The following DCAF6 variants were observed in gnomAD, a reference collection of about 807,000 sequenced individuals.
The protein encoded by DCAF6 is DDB1- and CUL4-associated factor 6.
Under a neutral mutation model 125.1 loss-of-function variants are expected in DCAF6, and 54 were observed. The ratio of observed to expected loss-of-function variants is 0.43; its 90% CI spans 0.35 to 0.54. DCAF6 has a LOEUF of 0.54. DCAF6 is among the 20% of genes least tolerant of loss of function. The pLI is 0.01. For synonymous variants in DCAF6, 371 were observed against 390.4 expected (o/e 0.95, Z 0.58); for missense variants, 934 against 1,161.7 (o/e 0.80, Z 2.85).
the DCAF6 span, among the ~76,000 whole-genome samples, chr1:167,888,069 T>A: frequency 5.9e-5 from 9 of 152,224 alleles, no homozygotes; most frequent in African/African-American, 2.2e-4. Flanking sequence ...GGCTCTTTTG[T>A]CAAAAATTAG....
chr1:167,959,531 A>G (rs1471989956), intron 2 of DCAF6, among the ~76,000 whole-genome samples: 1 of 152,218 alleles, frequency 6.6e-6, no homozygotes, highest in Admixed American at 6.5e-5. Flanking sequence ...AATGAATATA[A>G]GTTCCTGATG....
chr1:167,953,871 T>C (rs1674360489), intron 2 of DCAF6, among the ~76,000 whole-genome samples: 1 of 152,108 alleles, frequency 6.6e-6, no homozygotes, highest in Admixed American at 6.5e-5. Context: ...AGTGCTGGGA[T>C]TGCAGGTGTA....
intron 8 of DCAF6, among the ~76,000 whole-genome samples, chr1:168,003,465 T>G (rs531473207): frequency 1.1e-4 from 17 of 152,326 alleles, no homozygotes; most frequent in African/African-American, 4.1e-4. Context: ...CTATTTTGTG[T>G]CTGTACTTGA....
intron 15 of DCAF6, 40 bp from the exon 16 acceptor site, chr1:168,044,860 C>T (rs1688965215): frequency 1.3e-6 from 2 of 1,589,668 alleles, no homozygotes; most frequent in South Asian, 2.3e-5. Flanking sequence ...TAGTATTGCC[C>T]ACATTACCAC....
At chr1:168,013,173 C>A (rs1684526661) in intron 10 of DCAF6, among the ~76,000 whole-genome samples, 1 of 152,126 alleles carries the variant, frequency 6.6e-6, no homozygotes, top group Non-Finnish European at 1.5e-5. Flanking sequence ...GAAAAGAAAG[C>A]AGTATGCCAC....
rs1319342974 is a variant in DCAF6, at chr1:168,015,849, G to C, written c.1447G>C (p.Glu483Gln). ...GCAACAACTGAGGCTTAAGAAGGCT[G>C]AGCAGCAGAGGCAGCAAGAGCTAGC... ...RLQQLRLKKA[E>Q]QQRQQELAAH... Residue 483 changes from glutamate to glutamine, a missense_variant, in exon 11 of 22, where the codon GAG (glutamate) becomes CAG (glutamine). By Grantham distance (29) the Glu-to-Gln change is conservative (BLOSUM62 2). This residue lies in a region of DCAF6 where 559 missense variants were observed against 635.5 expected (regional missense o/e 0.88). Transcript: ENST00000367840. 6.5e-7 allele frequency: 1 copy of C among 1,540,488 alleles called. No homozygotes were observed. The highest frequency in any genetic ancestry group is 2.0e-5 in the Admixed American group (1 of 49,860).
intron 2 of DCAF6, among the ~76,000 whole-genome samples, chr1:167,964,833 G>T (rs905902411): frequency 1.3e-5 from 2 of 152,016 alleles, no homozygotes; most frequent in East Asian, 3.8e-4. Flanking sequence ...CTACTAATAC[G>T]CCCATCAGAG....
At chr1:168,003,236 A>G (rs1682886348) in intron 8 of DCAF6, among the ~76,000 whole-genome samples, 1 of 152,164 alleles carries the variant, frequency 6.6e-6, no homozygotes, top group Admixed American at 6.5e-5. Context: ...TTTAAATTAT[A>G]AGACTATAGA....
chr1:168,004,590 T>C lies in DCAF6; in HGVS notation c.1175T>C (p.Leu392Ser), dbSNP rs898722749. ...CCTACGGTCCCATCAAGTCCTGATT[T>C]GGAAGTGAGTGAAACTGCAATGGAA... ...TLPTVPSSPDLEVSETAMEVD... is the reference protein window; with the variant it reads ...TLPTVPSSPDSEVSETAMEVD... Residue 392 changes from leucine to serine, a missense_variant, in exon 10 of 22, where the codon TTG becomes TCG. By Grantham distance (145) the Leu-to-Ser change is moderately radical. This residue lies in a region of DCAF6 where 559 missense variants were observed against 635.5 expected (regional missense o/e 0.88). Transcript: ENST00000367840. 10 of 1,612,090 alleles carry C rather than the reference T, an allele frequency of 6.2e-6. No homozygotes were observed. Among genetic ancestry groups the C allele is most frequent in the Non-Finnish European group, 8.5e-6 (10 of 1,178,884 alleles).
At chr1:167,908,434 G>C in the DCAF6 span, among the ~76,000 whole-genome samples, 2 of 152,076 alleles carry the variant, frequency 1.3e-5, no homozygotes, top group Non-Finnish European at 2.9e-5. Flanking sequence ...GTGGCTGAAG[G>C]ATACAAAGTT....
At position 167,988,440 on chromosome 1, in the gene DCAF6, T is replaced by G. The variant is rs371352526; in HGVS notation, c.552+832T>G. On this transcript the variant is annotated intron_variant, in intron 5 of 21. Coordinates refer to ENST00000367840, the MANE Select transcript of DCAF6 (RefSeq NM_001198956.2). ...ACTTGGTGTCCCAAAGTGCTGAGAT[T>G]ACAGGGATGAGCCACTGTGTTTGAC... Among the ~76,000 whole-genome samples the G allele has an allele frequency of 1.7e-4, 26 of 152,282 alleles. No homozygotes were observed. In the East Asian group the frequency reaches 1.9e-3, roughly 11 times the overall value.
the DCAF6 span, chr1:167,914,251 A>G: frequency 6.6e-6 from 1 of 152,328 alleles, no homozygotes; most frequent in East Asian, 1.9e-4. Context: ...GTGGCCTACT[A>G]CTGTACAAGG....
chr1:168,032,751 T>C (rs1403423502), intron 12 of DCAF6, among the ~76,000 whole-genome samples: 1 of 152,148 alleles, frequency 6.6e-6, no homozygotes, highest in Non-Finnish European at 1.5e-5. Flanking sequence ...CTAACTACTA[T>C]AGTTAATTAA....
the DCAF6 span, among the ~76,000 whole-genome samples, chr1:167,910,454 G>A: frequency 6.6e-6 from 1 of 152,208 alleles, no homozygotes; most frequent in African/African-American, 2.4e-5. Context: ...AACTGTGAAA[G>A]TTGTGGGGTA....
At chr1:167,897,302 A>G in the DCAF6 span, among the ~76,000 whole-genome samples, 3 of 150,462 alleles carry the variant, frequency 2.0e-5, no homozygotes, top group African/African-American at 7.4e-5. Context: ...CCTGGGTAAC[A>G]ATGGTGAAAT....
chr1:167,902,699 A>T, the DCAF6 span, among the ~76,000 whole-genome samples: 1 of 152,210 alleles, frequency 6.6e-6, no homozygotes, highest in African/African-American at 2.4e-5. Flanking sequence ...TTACTAAGGA[A>T]CTCAGAGTCT....
chr1:167,890,954 T>G, the DCAF6 span, among the ~76,000 whole-genome samples: 2 of 152,048 alleles, frequency 1.3e-5, no homozygotes, highest in South Asian at 2.1e-4. Flanking sequence ...CATTTATTTA[T>G]TTATTTAGTT....
At chr1:167,870,256 C>T in the DCAF6 span, 7 of 1,613,924 alleles carry the variant, frequency 4.3e-6, no homozygotes, top group African/African-American at 2.7e-5. Flanking sequence ...AAGACACTCA[C>T]CTGTGATTCT....
the DCAF6 span, among the ~76,000 whole-genome samples, chr1:167,905,649 T>A: frequency 2.3e-3 from 347 of 151,646 alleles, 1 homozygote; most frequent in African/African-American, 8.2e-3. Flanking sequence ...TGTATTTATA[T>A]GTAAGTGAGT....
Sources: gnomAD v4.1 joint callset for allele counts (sites outside exome capture counted in the v4.1 genomes callset) on GRCh38, gnomAD v4.1.1 for gene constraint, gnomAD v4.1.1 regional missense constraint, MANE v1.5 for transcripts, NCBI Gene and HGNC (gene_info 2026-07-23, HGNC 2026-07-21) for gene names.